Variants in PECAM1 observed in about 807,000 individuals in gnomAD.
PECAM1 encodes platelet and endothelial cell adhesion molecule 1.
A neutral mutation model predicts 13.8 loss-of-function variants in PECAM1; 8 were observed. The ratio of observed to expected loss-of-function variants is 0.58; its 90% CI spans 0.34 to 1.05. The LOEUF is 1.05. Ranked by LOEUF, PECAM1 falls within the 50% of genes least tolerant of loss-of-function variation. The probability of loss-of-function intolerance (pLI) is 0.03; values close to 1 mark genes in which losing one functional copy is unlikely to be tolerated. For missense variants in PECAM1, 304 were observed against 141.2 expected (o/e 2.15, Z -5.84); for synonymous variants, 136 against 52.6 (o/e 2.58, Z -6.86).
intron 5 of PECAM1, among the ~76,000 whole-genome samples, chr17:64,365,307 T>C (rs1324832131): frequency 2.0e-5 from 3 of 152,056 alleles, no homozygotes; most frequent in African/African-American, 7.2e-5. Context: ...AAACCACTGC[T>C]CAATGAAATA....
At chr17:64,364,835 G>A (rs1262571732) in intron 5 of PECAM1, among the ~76,000 whole-genome samples, 1 of 150,856 alleles carries the variant, frequency 6.6e-6, no homozygotes, top group Non-Finnish European at 1.5e-5. Context: ...AATAATAAGA[G>A]CTATCTATGA....
In PECAM1 at chr17:64,366,332, T is replaced by C. The variant is rs2036104761; in HGVS notation, c.968-2935A>G. ...TAAAAAGTCAGGAAACAACAGGTGCTGGAGAGGATGTGGAGAAACAGGAAC... is the reference window on the plus strand; with the variant it reads ...TAAAAAGTCAGGAAACAACAGGTGCCGGAGAGGATGTGGAGAAACAGGAAC... On this transcript the variant is annotated intron_variant, in intron 5 of 15. Transcript: ENST00000563924. Among the ~76,000 whole-genome samples, 3 of 151,830 alleles carry C rather than the reference T, an allele frequency of 2.0e-5. No homozygotes were observed. In the South Asian group the frequency reaches 6.3e-4, roughly 32 times the overall value.
intron 15 of PECAM1, among the ~76,000 whole-genome samples, chr17:64,324,630 T>C (rs1343746306): frequency 6.6e-6 from 1 of 152,208 alleles, no homozygotes; most frequent in African/African-American, 2.4e-5. Context: ...TGTTTTTTAA[T>C]TTTGAAAATG....
chr17:64,363,701 C>T (rs1385665319), intron 5 of PECAM1, among the ~76,000 whole-genome samples: 2 of 152,140 alleles, frequency 1.3e-5, no homozygotes, highest in East Asian at 1.9e-4. Context: ...AATCCCAGCA[C>T]TTTGGGAGGC....
chr17:64,353,312 C>T (rs200775988), intron 10 of PECAM1, among the ~76,000 whole-genome samples, 179 bp downstream of exon 10: 5,920 of 68,920 alleles, frequency 0.086, 127 homozygotes, highest in South Asian at 0.094. Context: ...GAGGTACACA[C>T]ACACACACAC....
chr17:64,333,943 CAAAAAAAAAA>C (rs869179014), intron 14 of PECAM1, among the ~76,000 whole-genome samples: 2 of 69,596 alleles, frequency 2.9e-5, no homozygotes, highest in Admixed American at 2.2e-4. Context: ...GACCCTGTCT[CAAAAAAAAAA>C]AAAAAAAAAA....
intron 2 of PECAM1, among the ~76,000 whole-genome samples, chr17:64,388,363 G>A (rs1005263657): frequency 3.9e-5 from 6 of 152,166 alleles, no homozygotes; most frequent in East Asian, 1.9e-4. Context: ...AGTCACAGTC[G>A]TAAAGGGGGG....
chr17:64,376,350 T>C (rs2036358699), intron 3 of PECAM1, among the ~76,000 whole-genome samples: 1 of 151,530 alleles, frequency 6.6e-6, no homozygotes, highest in Non-Finnish European at 1.5e-5. Flanking sequence ...ATTTAAAAAA[T>C]AAAATATGGT....
At position 64,389,040 on chromosome 17, in the gene PECAM1, C is replaced by T. The variant is rs1034271631; in HGVS notation, c.91+1449G>A. Among the ~76,000 whole-genome samples the T allele has an allele frequency of 7.9e-5, 12 of 152,258 alleles. No homozygotes were observed. In the South Asian group the frequency reaches 1.9e-3, roughly 24 times the overall value. ...AATTATGAAGATTATGGATATCCTGCCTCCGTGGGTTGCCATGGGGATCAA... is the reference window on the plus strand; with the variant it reads ...AATTATGAAGATTATGGATATCCTGTCTCCGTGGGTTGCCATGGGGATCAA... On this transcript the variant is annotated intron_variant, in intron 2 of 15. Transcript: ENST00000563924.
chr17:64,377,642 G>A (rs2036394123), intron 3 of PECAM1, 182 bp downstream of exon 3: 1 of 177,246 alleles, frequency 5.6e-6, no homozygotes. Context: ...GGAAGGAAGG[G>A]CCTGGCCTAT....
In PECAM1 at chr17:64,369,894, C is replaced by G. The variant is rs1175282317; in HGVS notation, c.823G>C (p.Asp275His). The G allele has an allele frequency of 2.3e-5, 9 of 398,526 alleles. No individual in the cohort carries two copies. In the South Asian group the frequency reaches 3.8e-4, roughly 17 times the overall value. 24.7% of individuals were successfully genotyped at this position (398,526 alleles called of 1,614,324 possible). A position where few individuals can be genotyped will look rare whatever the true frequency, so the allele number is the denominator to read the frequency against. Residue 275 changes from aspartate (D) to histidine (H), a missense_variant, in exon 5 of 16, where the codon GAC (aspartate) becomes CAC (histidine). Transcript: ENST00000563924. ...QEFPEIIIQK[D>H]KAIVAHNRHG... ...CTGTTGTGGGCCACAATCGCCTTGT[C>G]CTTCTGAATTATGATTTCTGGAAAC...
intron 14 of PECAM1, among the ~76,000 whole-genome samples, chr17:64,337,120 G>A (rs2035300193): frequency 6.6e-6 from 1 of 152,202 alleles, no homozygotes; most frequent in Non-Finnish European, 1.5e-5. Context: ...AGGCTTCCAG[G>A]TGGGTTGGAG....
chr17:64,341,779 A>G (rs2035437156), intron 13 of PECAM1, 89 bp from the exon 14 acceptor site: 1 of 408,810 alleles, frequency 2.4e-6, no homozygotes, highest in Non-Finnish European at 4.4e-6. Flanking sequence ...GAGGCTCTGC[A>G]GGCAAGGCTG....
intron 14 of PECAM1, among the ~76,000 whole-genome samples, chr17:64,334,718 A>G (rs1467857144): frequency 2.0e-5 from 3 of 152,128 alleles, no homozygotes; most frequent in African/African-American, 7.2e-5. Context: ...CGTGTTAGCC[A>G]GGATGGTCTC....
rs2035946304 is a variant in PECAM1, at chr17:64,360,432, A to G, written c.1217-17T>C. The G allele has an allele frequency of 2.1e-6, 1 of 474,702 alleles. No individual in the cohort carries two copies. The highest frequency in any genetic ancestry group is 3.9e-6 in the Non-Finnish European group (1 of 258,838). The allele number at this position is 474,702 out of a possible 1,614,324, so 29.4% of individuals were successfully genotyped here. On this transcript the variant is annotated splice_polypyrimidine_tract_variant and intron_variant, in intron 6 of 15. Transcript: ENST00000563924. ...AGAGCATTTCTAGAACAGAGGGAGAAACAATCCAAAAGGCACTGAAGGTAA... is the reference window on the plus strand; with the variant it reads ...AGAGCATTTCTAGAACAGAGGGAGAGACAATCCAAAAGGCACTGAAGGTAA...
chr17:64,378,357 T>C (rs925995983), intron 2 of PECAM1, among the ~76,000 whole-genome samples: 10 of 152,130 alleles, frequency 6.6e-5, no homozygotes, highest in South Asian at 4.1e-4. Flanking sequence ...GATAAAGATG[T>C]AGAGCTAGGT....
At chr17:64,340,101 G>A (rs1467338721) in intron 14 of PECAM1, among the ~76,000 whole-genome samples, 1 of 152,170 alleles carries the variant, frequency 6.6e-6, no homozygotes, top group Non-Finnish European at 1.5e-5. Flanking sequence ...GCAGTCAGCT[G>A]AGATGGCACT....
chr17:64,370,671 C>A (rs2036219126), intron 4 of PECAM1, among the ~76,000 whole-genome samples: 1 of 152,138 alleles, frequency 6.6e-6, no homozygotes, highest in Admixed American at 6.6e-5. Flanking sequence ...CATAGTGAGA[C>A]CCTATCTCTA....
At chr17:64,335,027 C>T (rs1037151083) in intron 14 of PECAM1, among the ~76,000 whole-genome samples, 18 of 152,258 alleles carry the variant, frequency 1.2e-4, no homozygotes, top group African/African-American at 3.6e-4. Flanking sequence ...CGGGCCCCAG[C>T]GTGACGGCAG....
Sources: allele counts gnomAD v4.1 joint callset (sites outside exome capture counted in the v4.1 genomes callset), GRCh38; gene constraint gnomAD v4.1.1; transcripts MANE v1.5; gene names NCBI Gene and HGNC (gene_info 2026-07-23, HGNC 2026-07-21).